Variants in ACOT7 observed in about 807,000 individuals in gnomAD.
ACOT7 encodes cytosolic acyl coenzyme A thioester hydrolase.
Under a neutral mutation model 40.2 loss-of-function variants are expected in ACOT7, and 12 were observed. The ratio of observed to expected loss-of-function variants is 0.30; its 90% confidence interval spans 0.19 to 0.48. The LOEUF is 0.48. Among genes scored for constraint, ACOT7 ranks in the 20% least tolerant of loss-of-function variants. The pLI is 0.99. For missense variants in ACOT7, 395 were observed against 530.8 expected, an observed-to-expected ratio of 0.74 and a Z score of 2.51; for synonymous variants, 228 against 219.5, an observed-to-expected ratio of 1.04 and a Z score of -0.34.
intron 2 of ACOT7, among the ~76,000 whole-genome samples, chr1:6,340,743 A>G (rs896891319): frequency 5.9e-5 from 9 of 152,006 alleles, no homozygotes; most frequent in African/African-American, 2.2e-4. Context: ...TGCAATCACT[A>G]TTCTTCTTTA....
chr1:6,278,961 C>T lies in ACOT7; in HGVS notation c.1014+2141G>A, dbSNP rs773349264. Among the ~76,000 whole-genome samples the T allele has an allele frequency of 4.6e-5, 7 of 151,952 alleles. No individual in the cohort carries two copies. Among genetic ancestry groups the T allele is most frequent in the African/African-American group, 9.7e-5 (4 of 41,336 alleles). The stretch of plus-strand genomic sequence containing the variant: ...CCAGGAGGCAGGAAGAGGTAGGGGG[C>T]GGGGAAGGAGAGAGCTTCGGAAATG... On this transcript the variant is annotated intron_variant, in intron 8 of 8. Coordinates refer to ENST00000361521, the MANE Select transcript of ACOT7 (RefSeq NM_007274.4). This position sits in a 1 kb window ranked among gnomAD's most constrained non-coding sequence, Gnocchi z 4.1.
At position 6,294,788 on chromosome 1, in the gene ACOT7, C is replaced by G. The variant is rs1437764089; in HGVS notation, c.829+76G>C. ...AGGCCCACATGACCCTGGGTGTGAACAGAAAACAAACTGGTGCAGGGACCC... is the reference window on the plus strand; with the variant it reads ...AGGCCCACATGACCCTGGGTGTGAAGAGAAAACAAACTGGTGCAGGGACCC... On this transcript the variant is annotated intron_variant, in intron 7 of 8. Transcript: ENST00000361521. This position sits in a 1 kb window ranked among gnomAD's most constrained non-coding sequence, Gnocchi z 4.6. The G allele has an allele frequency of 1.5e-5, 18 of 1,237,192 alleles. No homozygotes were observed. In the Admixed American group the frequency reaches 3.0e-4, roughly 21 times the overall value. 76.6% of individuals were successfully genotyped at this position (1,237,192 alleles called of 1,614,324 possible). A position where few individuals can be genotyped will look rare whatever the true frequency, so the allele number is the denominator to read the frequency against.
At chr1:6,328,257 G>T (rs34853430) in intron 4 of ACOT7, among the ~76,000 whole-genome samples, 1 of 152,108 alleles carries the variant, frequency 6.6e-6, no homozygotes, top group African/African-American at 2.4e-5. Flanking sequence ...AATCAAACAG[G>T]TTATATATTG....
chr1:6,393,112 C>T (rs1410766877), intron 1 of ACOT7, 145 bp downstream of exon 1: 4 of 952,946 alleles, frequency 4.2e-6, no homozygotes, highest in Non-Finnish European at 5.2e-6. Context: ...GGCGGGCGTC[C>T]GGGGCGGCGG....
At chr1:6,271,648 C>T (rs531076305) in intron 8 of ACOT7, among the ~76,000 whole-genome samples, 128 of 152,224 alleles carry the variant, frequency 8.4e-4, no homozygotes, top group African/African-American at 2.8e-3. Context: ...GTGGCCTCTC[C>T]CAGCAGCTGC....
intron 1 of ACOT7, among the ~76,000 whole-genome samples, chr1:6,371,362 CTTTT>C (rs377275678): frequency 7.0e-6 from 1 of 143,136 alleles, no homozygotes; most frequent in East Asian, 2.1e-4. Context: ...TCAGCCTGTC[CTTTT>C]TTTTTTTTTT....
At chr1:6,268,437 G>T (rs1638917644) in intron 8 of ACOT7, among the ~76,000 whole-genome samples, 1 of 152,212 alleles carries the variant, frequency 6.6e-6, no homozygotes, top group Non-Finnish European at 1.5e-5. Flanking sequence ...ACTAGACCTA[G>T]ATCTAGGAAA....
chr1:6,314,910 C>T (rs1282367163), intron 6 of ACOT7, among the ~76,000 whole-genome samples: 1 of 150,916 alleles, frequency 6.6e-6, no homozygotes, highest in Non-Finnish European at 1.5e-5. Context: ...GCCCTTCAAC[C>T]CACAACTGCA....
chr1:6,392,407 T>TCCGATTCTG (rs1642546774), intron 1 of ACOT7, among the ~76,000 whole-genome samples: 1 of 152,164 alleles, frequency 6.6e-6, no homozygotes, highest in South Asian at 2.1e-4. Flanking sequence ...GCCTGCTGCT[T>TCCGATTCTG]CCGATTCTGC....
intron 2 of ACOT7, among the ~76,000 whole-genome samples, chr1:6,341,514 G>A (rs530579524): frequency 5.9e-5 from 9 of 152,020 alleles, no homozygotes; most frequent in African/African-American, 1.2e-4. Flanking sequence ...AGGCCAAGGC[G>A]GGTGGATCAC....
intron 4 of ACOT7, among the ~76,000 whole-genome samples, chr1:6,331,423 G>A (rs916694765): frequency 9.9e-5 from 15 of 152,220 alleles, no homozygotes; most frequent in African/African-American, 2.7e-4. Context: ...GCCACCCGGC[G>A]CTGGAGACGC....
At chr1:6,368,768 G>T (rs1363543840) in intron 1 of ACOT7, among the ~76,000 whole-genome samples, 1 of 152,198 alleles carries the variant, frequency 6.6e-6, no homozygotes, top group African/African-American at 2.4e-5. Flanking sequence ...GGGCGGTGCA[G>T]TCAGCTGCCC....
chr1:6,320,971 G>A (rs1273497710), intron 5 of ACOT7, among the ~76,000 whole-genome samples: 1 of 152,190 alleles, frequency 6.6e-6, no homozygotes, highest in Non-Finnish European at 1.5e-5. Flanking sequence ...GCGGAAGAGG[G>A]AACAGAAGAG....
At chr1:6,269,008 G>T (rs767154669) in intron 8 of ACOT7, among the ~76,000 whole-genome samples, 20 of 152,360 alleles carry the variant, frequency 1.3e-4, no homozygotes, top group Non-Finnish European at 2.8e-4. Context: ...AGGGACTACA[G>T]CGATAAGGGG....
chr1:6,348,696 G>C (rs1464413142), intron 2 of ACOT7, among the ~76,000 whole-genome samples: 2 of 152,230 alleles, frequency 1.3e-5, no homozygotes, highest in Non-Finnish European at 2.9e-5. Context: ...TGGACTTCCA[G>C]CCTCCAGGAC....
At chr1:6,307,171 A>G (rs1194626765) in intron 6 of ACOT7, among the ~76,000 whole-genome samples, 1 of 152,232 alleles carries the variant, frequency 6.6e-6, no homozygotes, top group Non-Finnish European at 1.5e-5. Flanking sequence ...TCCCTGGTGG[A>G]GCACGGCGGG....
At chr1:6,295,990 A>G (rs558120749) in intron 6 of ACOT7, among the ~76,000 whole-genome samples, 1 of 152,028 alleles carries the variant, frequency 6.6e-6, no homozygotes, top group African/African-American at 2.4e-5. Flanking sequence ...CGCAGCCTCA[A>G]CCTCCCCAGG....
intron 1 of ACOT7, among the ~76,000 whole-genome samples, chr1:6,374,500 C>T (rs1209557385): frequency 6.6e-6 from 1 of 152,200 alleles, no homozygotes; most frequent in Non-Finnish European, 1.5e-5. Flanking sequence ...AGCTCCACAG[C>T]GTGGGGGCCA....
Position 6,289,162 on chromosome 1 carries a change from C to T in ACOT7, c.829+5702G>A, listed in dbSNP as rs774876853. Reference sequence around the variant, plus strand: ...TCGCCCCGGCTGGAGTGCAGTGACACGATCTCGGCTCACTGCAACATCTGC... The same window carrying T: ...TCGCCCCGGCTGGAGTGCAGTGACATGATCTCGGCTCACTGCAACATCTGC... On this transcript the variant is annotated intron_variant, in intron 7 of 8. Coordinates refer to ENST00000361521, the MANE Select transcript of ACOT7 (RefSeq NM_007274.4). The surrounding 1 kb of genome is among the most constrained non-coding windows in gnomAD (Gnocchi z 4.6). 6.6e-6 allele frequency among the ~76,000 whole-genome samples: 1 copy of T among 152,144 alleles called. No individual in the cohort carries two copies. The highest frequency in any genetic ancestry group is 1.5e-5 in the Non-Finnish European group (1 of 68,022).
Sources: allele counts gnomAD v4.1 joint callset (sites outside exome capture counted in the v4.1 genomes callset), GRCh38; gene constraint gnomAD v4.1.1; non-coding constraint Gnocchi (gnomAD v3.1); transcripts MANE v1.5; gene names NCBI Gene and HGNC (gene_info 2026-07-23, HGNC 2026-07-21).